The following KCNAB3 variants were observed in gnomAD, a reference collection of about 807,000 sequenced individuals.
KCNAB3 encodes potassium voltage-gated channel subfamily A regulatory beta subunit 3.
Under a neutral mutation model 67.7 loss-of-function variants are expected in KCNAB3, and 62 were observed. The observed-to-expected ratio is 0.92, with a 90% CI of 0.75 to 1.13. KCNAB3 has a LOEUF of 1.13. Ranked by LOEUF, KCNAB3 falls within the 50% of genes most tolerant of loss-of-function variation. The pLI, the probability that KCNAB3 is intolerant of heterozygous loss-of-function variation, is 0.00. For synonymous variants in KCNAB3, 212 were observed against 205.4 expected (o/e 1.03, Z -0.27); for missense variants, 514 against 522.9 (o/e 0.98, Z 0.17).
chr17:7,923,609 G>A, intron 12 of KCNAB3, 65 bp from the exon 13 acceptor site: 3 of 1,555,206 alleles, frequency 1.9e-6, no homozygotes, highest in Non-Finnish European at 2.6e-6. Context: ...TTTCAGAAGT[G>A]TCTCTGAAGA....
chr17:7,924,928 T>C (rs1281958970), intron 8 of KCNAB3, 169 bp downstream of exon 8: 8 of 613,346 alleles, frequency 1.3e-5, no homozygotes, highest in African/African-American at 1.1e-4. Flanking sequence ...ACATTTTTTG[T>C]AGAGACAGGG....
chr17:7,923,607 G>A lies in KCNAB3; in HGVS notation c.1049-63C>T, dbSNP rs188471221. 1.0e-5 allele frequency: 16 copies of A among 1,555,756 alleles called. No individual in the cohort carries two copies. In the East Asian group the frequency reaches 3.9e-4, roughly 38 times the overall value. ...AACAGTGACCACATAGATTTCAGAA[G>A]TGTCTCTGAAGACAAGCGTCCTCCC... On this transcript the variant is annotated intron_variant, in intron 12 of 13. Coordinates refer to ENST00000303790, the MANE Select transcript of KCNAB3 (RefSeq NM_004732.4).
Position 7,929,818 on chromosome 17 carries a change from C to CCAA in KCNAB3, c.-384_-383insTTG. The CCAA allele has an allele frequency of 9.8e-7, 1 of 1,015,976 alleles. No individual in the cohort carries two copies. Among genetic ancestry groups the CCAA allele is most frequent in the Non-Finnish European group, 1.2e-6 (1 of 850,286 alleles). 62.9% of individuals were successfully genotyped at this position (1,015,976 alleles called of 1,614,324 possible). On this transcript the variant is annotated 5_prime_UTR_variant, in exon 1 of 14. Coordinates refer to ENST00000303790, the MANE Select transcript of KCNAB3 (RefSeq NM_004732.4). This position sits in a 1 kb window ranked among gnomAD's most constrained non-coding sequence, Gnocchi z 5.7. Reference sequence around the variant, plus strand: ...ACTTCAGCGCGAACCGCTGCGGGACCCGCTGGGCTCCCAGCCGCGTCGGCA... The same window carrying CCAA: ...ACTTCAGCGCGAACCGCTGCGGGACCCAACGCTGGGCTCCCAGCCGCGTCGGCA...
At position 7,923,823 on chromosome 17, in the gene KCNAB3, CT is replaced by C. The variant is rs1567890805; in HGVS notation, c.935del (p.Gln312ArgfsTer60). 1 of 1,573,610 alleles carries C rather than the reference CT, an allele frequency of 6.4e-7. No individual in the cohort carries two copies. Among genetic ancestry groups the C allele is most frequent in the African/African-American group, 1.3e-5 (1 of 74,298 alleles). On this transcript the variant is annotated frameshift_variant, in exon 12 of 14. Transcript: ENST00000303790. LOFTEE classifies it high-confidence loss of function. ...DTCRASIKGY[Q>X]WLKDKVQSED... ...CACTCTGCACTTTGTCCTTGAGCCA[CT>C]GGTAGCCCTGGAGGCCAAGAAGAAT...
chr17:7,926,148 T>C (rs1039033190), intron 4 of KCNAB3, 45 bp from the exon 5 acceptor site: 2 of 1,608,334 alleles, frequency 1.2e-6, no homozygotes, highest in South Asian at 1.1e-5. Context: ...TCTAGGCCAA[T>C]CAATTCCTTC....
chr17:7,926,048 AAC>A lies in KCNAB3; in HGVS notation c.449+9_449+10del, dbSNP rs978792817. 9 of 1,613,978 alleles carry A rather than the reference AAC, an allele frequency of 5.6e-6. No individual in the cohort carries two copies. The African/African-American group carries it at 1.2e-4, about 22-fold the overall frequency. On this transcript the variant is annotated intron_variant, in intron 5 of 13. Transcript: ENST00000303790. The stretch of plus-strand genomic sequence containing the variant: ...GATCACATCCCCAGCAACCCCCCAA[AAC>A]AGTCTCACCTCCAACCTTTGCTCTT...
At chr17:7,927,734 C>A (rs757728245) in intron 2 of KCNAB3, 40 bp from the exon 3 acceptor site, 4 of 1,614,020 alleles carry the variant, frequency 2.5e-6, no homozygotes, top group East Asian at 4.5e-5. Context: ...CTGCAGGGGG[C>A]AGACCATGAA....
At position 7,929,528 on chromosome 17, in the gene KCNAB3, G is replaced by T; in HGVS notation, c.-93C>A. Reference sequence around the variant, plus strand: ...CTGACGACCGGGGGCGTAGTGGGGCGAACCCCGGCAGAGCGGGAAGGCTGA... The same window carrying T: ...CTGACGACCGGGGGCGTAGTGGGGCTAACCCCGGCAGAGCGGGAAGGCTGA... On this transcript the variant is annotated 5_prime_UTR_variant, in exon 1 of 14. Transcript: ENST00000303790. The surrounding 1 kb of genome is among the most constrained non-coding windows in gnomAD (Gnocchi z 5.7). 1.3e-6 allele frequency: 2 copies of T among 1,526,400 alleles called. No homozygotes were observed. Among genetic ancestry groups the T allele is most frequent in the Non-Finnish European group, 1.8e-6 (2 of 1,140,494 alleles). The allele number at this position is 1,526,400 out of a possible 1,614,324, so 94.6% of individuals were successfully genotyped here. A position where few individuals can be genotyped will look rare whatever the true frequency, so the allele number is the denominator to read the frequency against.
At chr17:7,924,826 T>C in intron 8 of KCNAB3, 1 of 669,238 alleles carries the variant, frequency 1.5e-6, no homozygotes, top group Non-Finnish European at 2.3e-6. Context: ...CACTGTGGCC[T>C]CAAACTCCTG....
Position 7,923,794 on chromosome 17 carries a change from T to C in KCNAB3, c.965A>G (p.Asp322Gly). The change falls in exon 12 of 14, where the codon GAT becomes GGT. Residue 322 changes from aspartate to glycine, a missense_variant. Transcript: ENST00000303790. ...GACTTTGGCTTGTTGCTTCTTGCCATCTTCACTCTGCACTTTGTCCTTGAG... is the reference window on the plus strand; with the variant it reads ...GACTTTGGCTTGTTGCTTCTTGCCACCTTCACTCTGCACTTTGTCCTTGAG... ...QWLKDKVQSE[D>G]GKKQQAKVMD... The C allele has an allele frequency of 6.3e-7, 1 of 1,582,184 alleles. No homozygotes were observed. The highest frequency in any genetic ancestry group is 8.6e-7 in the Non-Finnish European group (1 of 1,163,476).
chr17:7,923,527 C>A lies in KCNAB3; in HGVS notation c.1066G>T (p.Glu356Ter), dbSNP rs1323436541. The change falls in exon 13 of 14, where the codon GAG (glutamate) becomes TAG (stop). Residue 356 changes from glutamate to a stop codon, truncating the protein, a stop_gained. Transcript: ENST00000303790. LOFTEE classifies it high-confidence loss of function. Reference sequence around the variant, plus strand: ...CCCAGCAAGACAGAGCTGACACCCTCACTGCGGAGACACCACGCTGGGGCC... The same window carrying A: ...CCCAGCAAGACAGAGCTGACACCCTAACTGCGGAGACACCACGCTGGGGCC... ...QLAIAWCLRSEGVSSVLLGVS... is the reference protein window; with the variant it reads ...QLAIAWCLRS The A allele has an allele frequency of 6.2e-7, 1 of 1,611,362 alleles. No homozygotes were observed. The highest frequency in any genetic ancestry group is 8.5e-7 in the Non-Finnish European group (1 of 1,178,826).
rs553550765 is a variant in KCNAB3, at chr17:7,925,761, C to G, written c.495-35G>C. The G allele has an allele frequency of 1.9e-6, 3 of 1,613,638 alleles. No individual in the cohort carries two copies. The East Asian group carries it at 6.7e-5, about 36-fold the overall frequency. ...AAGGTAAGTCAAAGATGAGATGTGA[C>G]AAAGATAGGGGACCGGGGCTGGCTT... is the stretch of plus-strand genomic sequence containing the variant. On this transcript the variant is annotated intron_variant, in intron 6 of 13. Coordinates refer to ENST00000303790, the MANE Select transcript of KCNAB3 (RefSeq NM_004732.4).
intron 9 of KCNAB3, 57 bp downstream of exon 9, chr17:7,924,358 C>T: frequency 3.1e-6 from 5 of 1,608,200 alleles, no homozygotes; most frequent in Non-Finnish European, 4.3e-6. Context: ...TTGGAGTAAC[C>T]ACGTGAAAAG....
Position 7,929,749 on chromosome 17 carries a change from G to A in KCNAB3, c.-314C>T, listed in dbSNP as rs910189516. The A allele has an allele frequency of 1.6e-6, 2 of 1,228,570 alleles. No homozygotes were observed. The highest frequency in any genetic ancestry group is 1.6e-5 in the African/African-American group (1 of 61,226). The allele number at this position is 1,228,570 out of a possible 1,614,324, so 76.1% of individuals were successfully genotyped here. A position where few individuals can be genotyped will look rare whatever the true frequency, so the allele number is the denominator to read the frequency against. On this transcript the variant is annotated 5_prime_UTR_variant, in exon 1 of 14. Transcript: ENST00000303790. The surrounding 1 kb of genome is among the most constrained non-coding windows in gnomAD (Gnocchi z 5.7). ...AGGTCGAGGATGAGGTAAAGGTCTC[G>A]GAGGATAAGGACCCAGGGGGAAGCG... is the stretch of plus-strand genomic sequence containing the variant.
Position 7,927,647 on chromosome 17 carries a change from T to C in KCNAB3, c.324+10A>G. 5.0e-6 allele frequency: 8 copies of C among 1,614,132 alleles called. No individual in the cohort carries two copies. Among genetic ancestry groups the C allele is most frequent in the Non-Finnish European group, 6.8e-6 (8 of 1,180,000 alleles). On this transcript the variant is annotated intron_variant, in intron 3 of 13. Transcript: ENST00000303790. ...CCCACCACCCTGATTCTAGGTCCGA[T>C]AACTTATACCTCATCTGAGATCTGA...
rs1972130608 is a variant in KCNAB3 at position 7,923,829 on chromosome 17, G to A, written c.930C>T (p.Gly310=). ...VPDTCRASIK[G]YQWLKDKVQS... ...GCACTTTGTCCTTGAGCCACTGGTAGCCCTGGAGGCCAAGAAGAATCAACA... is the reference window on the plus strand; with the variant it reads ...GCACTTTGTCCTTGAGCCACTGGTAACCCTGGAGGCCAAGAAGAATCAACA... The change falls in exon 12 of 14, where the codon GGC becomes GGT. Residue 310 remains glycine (G), a splice_region_variant and synonymous_variant. Coordinates refer to ENST00000303790, the MANE Select transcript of KCNAB3 (RefSeq NM_004732.4). 3 of 1,571,814 alleles carry A rather than the reference G, an allele frequency of 1.9e-6. No homozygotes were observed. The highest frequency in any genetic ancestry group is 2.3e-5 in the South Asian group (2 of 86,332).
chr17:7,925,282 C>T (rs2151715890), intron 7 of KCNAB3, 99 bp from the exon 8 acceptor site: 1 of 910,650 alleles, frequency 1.1e-6, no homozygotes, highest in African/African-American at 1.6e-5. Context: ...AATCCCAGCA[C>T]TTTGGGAGGC....
chr17:7,922,949 G>A lies in KCNAB3; in HGVS notation c.*153C>T. 1.4e-6 allele frequency: 1 copy of A among 693,688 alleles called. No individual in the cohort carries two copies. The highest frequency in any genetic ancestry group is 2.2e-5 in the Admixed American group (1 of 45,452). 43.0% of individuals were successfully genotyped at this position (693,688 alleles called of 1,614,324 possible). On this transcript the variant is annotated 3_prime_UTR_variant, in exon 14 of 14. Transcript: ENST00000303790. Reference sequence around the variant, plus strand: ...CAAAAGGATATGGCTTTGTTCATGCGTATCACTACTCGAAGCCGGGACTCG... The same window carrying A: ...CAAAAGGATATGGCTTTGTTCATGCATATCACTACTCGAAGCCGGGACTCG...
At position 7,927,377 on chromosome 17, in the gene KCNAB3, A is replaced by G. The variant is rs1972269051; in HGVS notation, c.371T>C (p.Leu124Pro). Residue 124 changes from leucine to proline, a missense_variant, in exon 4 of 14, where the codon CTG (leucine) becomes CCG (proline). By Grantham distance (98) the Leu-to-Pro change is moderately conservative. Transcript: ENST00000303790. ...TGCGTACACTTCGGCGGTGTCAAACAGGTTTACACCATGCTCATAGGCTAC... is the reference window on the plus strand; with the variant it reads ...TGCGTACACTTCGGCGGTGTCAAACGGGTTTACACCATGCTCATAGGCTAC... ...LTVAYEHGVN[L>P]FDTAEVYAAG... 6.2e-7 allele frequency: 1 copy of G among 1,614,020 alleles called. No homozygotes were observed.
Sources: allele counts gnomAD v4.1 joint callset, GRCh38; gene constraint gnomAD v4.1.1; non-coding constraint Gnocchi (gnomAD v3.1); transcripts MANE v1.5; gene names NCBI Gene and HGNC (gene_info 2026-07-23, HGNC 2026-07-21).